The following ZC3H12B variants were observed in gnomAD, a reference collection of about 807,000 sequenced individuals.
ZC3H12B encodes probable ribonuclease ZC3H12B.
Under a neutral mutation model 43.9 loss-of-function variants are expected in ZC3H12B, and 7 were observed. The ratio of observed to expected loss-of-function variants is 0.16; its 90% CI spans 0.09 to 0.30. The LOEUF (loss-of-function observed/expected upper bound fraction) is 0.30, where lower values mean the gene tolerates loss of function less well. Ranked by LOEUF, ZC3H12B falls within the 10% of genes least tolerant of loss-of-function variation. ZC3H12B has a pLI of 1.00. For synonymous variants in ZC3H12B, 222 were observed against 241.7 expected, an observed-to-expected ratio of 0.92 and a Z score of 0.76; for missense variants, 475 against 670.2, an observed-to-expected ratio of 0.71 and a Z score of 3.22.
chrX:65,479,633 G>T (rs914903976), intron 3 of ZC3H12B, among the ~76,000 whole-genome samples: 29 of 111,700 alleles, frequency 2.6e-4, no homozygotes, highest in African/African-American at 7.8e-4. Context: ...CTCCCAATAT[G>T]CTGGGATTAC....
the ZC3H12B span, among the ~76,000 whole-genome samples, chrX:65,230,000 A>G: frequency 1.5e-4 from 17 of 111,701 alleles, no homozygotes; most frequent in Non-Finnish European, 2.4e-4. Context: ...ATCTAGAACT[A>G]GAAATACCAT....
At chrX:65,468,068 A>G (rs2067849743) in intron 3 of ZC3H12B, among the ~76,000 whole-genome samples, 2 of 112,165 alleles carry the variant, frequency 1.8e-5, no homozygotes, top group South Asian at 7.3e-4. Flanking sequence ...GTTTTCTTCT[A>G]GAATTTTTAT....
chrX:65,407,354 C>T (rs1454063205), intron 3 of ZC3H12B, among the ~76,000 whole-genome samples: 5 of 112,237 alleles, frequency 4.5e-5, no homozygotes, highest in Non-Finnish European at 7.5e-5. Context: ...CGGAGAACAC[C>T]GAGTGCTGGT....
At chrX:65,150,219 G>A in the ZC3H12B span, among the ~76,000 whole-genome samples, 4 of 110,371 alleles carry the variant, frequency 3.6e-5, no homozygotes, top group African/African-American at 9.9e-5. Flanking sequence ...ACATAAAGGT[G>A]GCAGGAATCT....
the ZC3H12B span, among the ~76,000 whole-genome samples, chrX:65,335,027 T>C: frequency 9.0e-6 from 1 of 111,581 alleles, no homozygotes; most frequent in Non-Finnish European, 1.9e-5. Flanking sequence ...TATTCCCTCA[T>C]AACTGCCATA....
chrX:65,209,332 C>T, the ZC3H12B span, among the ~76,000 whole-genome samples: 1 of 68,151 alleles, frequency 1.5e-5, no homozygotes, highest in African/African-American at 5.8e-5. Flanking sequence ...ATAAATTTCC[C>T]TCTACACACT....
the ZC3H12B span, among the ~76,000 whole-genome samples, chrX:65,229,154 C>T: frequency 9.0e-6 from 1 of 110,672 alleles, no homozygotes; most frequent in South Asian, 3.9e-4. Context: ...CTACAGTAAC[C>T]AAAACAGCAT....
chrX:65,202,773 C>A, the ZC3H12B span, among the ~76,000 whole-genome samples: 1 of 110,674 alleles, frequency 9.0e-6, no homozygotes, highest in African/African-American at 3.3e-5. Flanking sequence ...ATGCAAGGCC[C>A]TAGGACTCTA....
chrX:65,267,603 C>T, the ZC3H12B span, among the ~76,000 whole-genome samples: 1 of 111,246 alleles, frequency 9.0e-6, no homozygotes, highest in Non-Finnish European at 1.9e-5. Flanking sequence ...CTGAAAGGAA[C>T]AGTATACAAA....
the ZC3H12B span, among the ~76,000 whole-genome samples, chrX:65,270,532 G>A: frequency 9.0e-6 from 1 of 110,903 alleles, no homozygotes; most frequent in South Asian, 3.8e-4. Flanking sequence ...ATAAATAAAT[G>A]GGACTACCTC....
chrX:65,044,294 G>C, the ZC3H12B span, among the ~76,000 whole-genome samples: 12 of 111,407 alleles, frequency 1.1e-4, no homozygotes, highest in East Asian at 3.4e-3. Context: ...ATGGCCCTGA[G>C]GTGGGAGCCT....
chrX:65,299,147 T>A, the ZC3H12B span, among the ~76,000 whole-genome samples: 2 of 112,213 alleles, frequency 1.8e-5, no homozygotes, highest in East Asian at 5.6e-4. Flanking sequence ...AACTACATAA[T>A]GACATTTCAA....
At chrX:65,216,931 G>A in the ZC3H12B span, among the ~76,000 whole-genome samples, 2 of 111,784 alleles carry the variant, frequency 1.8e-5, no homozygotes, top group African/African-American at 6.5e-5. Context: ...TGGCTTTGGG[G>A]CTTGAATTAG....
At chrX:65,262,299 T>C in the ZC3H12B span, among the ~76,000 whole-genome samples, 1 of 111,018 alleles carries the variant, frequency 9.0e-6, no homozygotes, top group Non-Finnish European at 1.9e-5. Flanking sequence ...GTTACTAAGT[T>C]GAGTGAAAAA....
At chrX:65,188,931 T>C in the ZC3H12B span, among the ~76,000 whole-genome samples, 1 of 94,089 alleles carries the variant, frequency 1.1e-5, no homozygotes, top group Non-Finnish European at 2.1e-5. Flanking sequence ...TATCTCCCAA[T>C]GCTATCCCTC....
At chrX:65,492,668 G>T (rs750538781) in intron 1 of ZC3H12B, among the ~76,000 whole-genome samples, 4 of 111,972 alleles carry the variant, frequency 3.6e-5, no homozygotes, top group Non-Finnish European at 7.5e-5. Context: ...TCTACTTATG[G>T]ATTTGTTATT....
intron 3 of ZC3H12B, among the ~76,000 whole-genome samples, chrX:65,462,366 G>A (rs1228334756): frequency 1.8e-5 from 2 of 110,549 alleles, no homozygotes; most frequent in African/African-American, 6.6e-5. Context: ...ACAAAACTTA[G>A]CCGGGCGTAG....
the ZC3H12B span, among the ~76,000 whole-genome samples, chrX:65,351,005 G>A: frequency 2.7e-5 from 3 of 111,864 alleles, no homozygotes; most frequent in Admixed American, 1.9e-4. Context: ...AAAAGAGCAC[G>A]CATAAACAAG....
intron 3 of ZC3H12B, among the ~76,000 whole-genome samples, chrX:65,466,599 C>T (rs888756367): frequency 9.2e-6 from 1 of 108,612 alleles, no homozygotes; most frequent in Admixed American, 1.0e-4. Flanking sequence ...AGTGAGATTG[C>T]TGGATTGTAA....
Sources: gnomAD v4.1 joint callset for allele counts (sites outside exome capture counted in the v4.1 genomes callset) on GRCh38, gnomAD v4.1.1 for gene constraint, MANE v1.5 for transcripts, NCBI Gene and HGNC (gene_info 2026-07-23, HGNC 2026-07-21) for gene names.